The following EXT1 variants were observed in gnomAD, a reference collection of about 807,000 sequenced individuals.
The protein encoded by EXT1 is exostosin-1.
Under a neutral mutation model 82.5 loss-of-function variants are expected in EXT1, and 20 were observed. The ratio of observed to expected loss-of-function variants is 0.24; its 90% confidence interval spans 0.17 to 0.35. The LOEUF (loss-of-function observed/expected upper bound fraction) is 0.35. Ranked by LOEUF, EXT1 falls within the 10% of genes least tolerant of loss-of-function variation. EXT1 has a pLI of 1.00. For missense variants in EXT1, 757 were observed against 936.5 expected (o/e 0.81, Z 2.50); for synonymous variants, 348 against 350.8 (o/e 0.99, Z 0.09).
chr8:118,033,365 A>AT lies in EXT1; in HGVS notation c.962+76719dup, dbSNP rs1816367062. On this transcript the variant is annotated intron_variant, in intron 1 of 10. Coordinates refer to ENST00000378204, the MANE Select transcript of EXT1 (RefSeq NM_000127.3). ...TGTCCAGAACATTACTAAAATGTAC[A>AT]TACTGTGTTCAGATTTAAGCCAGAC... 2.0e-5 allele frequency among the ~76,000 whole-genome samples: 3 copies of AT among 152,354 alleles called. No individual in the cohort carries two copies. The South Asian group carries it at 6.2e-4, about 32-fold the overall frequency.
chr8:118,100,037 C>T (rs1055777660), intron 1 of EXT1, among the ~76,000 whole-genome samples: 2 of 152,114 alleles, frequency 1.3e-5, no homozygotes, highest in African/African-American at 4.8e-5. Context: ...ACCACCATAC[C>T]CAAGACGTGG....
chr8:117,799,535 T>A lies in EXT1; in HGVS notation c.*177A>T. 1 of 675,794 alleles carries A rather than the reference T, an allele frequency of 1.5e-6. No homozygotes were observed. The highest frequency in any genetic ancestry group is 2.5e-6 in the Non-Finnish European group (1 of 394,700). The allele number at this position is 675,794 out of a possible 1,614,324, so 41.9% of individuals were successfully genotyped here. ...GTGAGTTTGGAGCAGTCTGGTGCAG[T>A]CCCAGGAGCCAGGAGTTGAGTTCTC... On this transcript the variant is annotated 3_prime_UTR_variant, in exon 11 of 11. Transcript: ENST00000378204.
At chr8:117,804,193 T>C (rs1490602930) in intron 10 of EXT1, among the ~76,000 whole-genome samples, 1 of 152,184 alleles carries the variant, frequency 6.6e-6, no homozygotes, top group Non-Finnish European at 1.5e-5. Context: ...GATTAGGTCA[T>C]GAGGGTGGAG....
chr8:117,809,071 G>C (rs1823276747), intron 8 of EXT1, among the ~76,000 whole-genome samples: 1 of 151,750 alleles, frequency 6.6e-6, no homozygotes, highest in Non-Finnish European at 1.5e-5. Context: ...TCCTGGGTCT[G>C]TAGCCTGCAG....
chr8:117,896,531 T>C (rs1813340377), intron 1 of EXT1, among the ~76,000 whole-genome samples: 1 of 152,158 alleles, frequency 6.6e-6, no homozygotes, highest in Non-Finnish European at 1.5e-5. Context: ...CCATTAATCC[T>C]ACAGTTTTCA....
At chr8:117,807,967 C>T (rs1188436612) in intron 8 of EXT1, among the ~76,000 whole-genome samples, 1 of 152,004 alleles carries the variant, frequency 6.6e-6, no homozygotes, top group Non-Finnish European at 1.5e-5. Flanking sequence ...GTTTAAGAGA[C>T]ACTAGAAGAA....
chr8:117,856,118 T>A (rs911549560), intron 1 of EXT1, among the ~76,000 whole-genome samples: 4 of 152,228 alleles, frequency 2.6e-5, no homozygotes, highest in African/African-American at 9.6e-5. Flanking sequence ...GTTAAAAGTG[T>A]TACTCCAGTG....
In EXT1 at chr8:117,822,564, G is replaced by A. The variant is rs762790189; in HGVS notation, c.1318C>T (p.Arg440Cys). 6.8e-6 allele frequency: 11 copies of A among 1,613,048 alleles called. No homozygotes were observed. The East Asian group carries it at 8.9e-5, about 13-fold the overall frequency. The stretch of plus-strand genomic sequence containing the variant: ...TGTTTGTTCCATATTAAACTGTTAC[G>A]TGATATGTGCTTGAATATTCTGTCC... Reference protein sequence around the residue: ...IQDRIFKHISRNSLIWNKHPG... With the variant: ...IQDRIFKHISCNSLIWNKHPG... The change falls in exon 5 of 11, where the codon CGT (arginine) becomes TGT (cysteine). Residue 440 changes from arginine to cysteine, a missense_variant. This residue lies in a region of EXT1 where 207 missense variants were observed against 224.2 expected (regional missense o/e 0.92). Transcript: ENST00000378204.
Position 118,094,410 on chromosome 8 carries a change from T to C in EXT1, c.962+15675A>G, listed in dbSNP as rs536997100. On this transcript the variant is annotated intron_variant, in intron 1 of 10. Transcript: ENST00000378204. ...AATGTACAATATTGCACACTACAAT[T>C]ATAATGAGCTGTAAACAGGTCAAAT... 9.6e-4 allele frequency among the ~76,000 whole-genome samples: 146 copies of C among 152,328 alleles called. 2 individuals carry two copies. The highest frequency in any genetic ancestry group is 1.0e-3 in the Non-Finnish European group (68 of 68,030).
chr8:118,078,724 C>G (rs1193502026), intron 1 of EXT1, among the ~76,000 whole-genome samples: 1 of 151,946 alleles, frequency 6.6e-6, no homozygotes, highest in African/African-American at 2.4e-5. Flanking sequence ...TAAATTGCTC[C>G]TATTCATAAA....
At chr8:118,092,623 A>G (rs1436141446) in intron 1 of EXT1, among the ~76,000 whole-genome samples, 1 of 152,176 alleles carries the variant, frequency 6.6e-6, no homozygotes, top group Non-Finnish European at 1.5e-5. Context: ...GGACCCCTAA[A>G]ATTATACAGG....
chr8:117,814,080 A>G (rs990845310), intron 7 of EXT1, among the ~76,000 whole-genome samples: 2 of 150,072 alleles, frequency 1.3e-5, no homozygotes, highest in Non-Finnish European at 3.0e-5. Flanking sequence ...GGAGGAGAAG[A>G]AGGAGAAGGA....
At position 117,913,690 on chromosome 8, in the gene EXT1, T is replaced by C. The variant is rs17504281; in HGVS notation, c.963-76489A>G. The stretch of plus-strand genomic sequence containing the variant: ...TCAGCTTCTTACTCTGGGAGGGAAG[T>C]AGGAAGTGGTAAGGATAATTCCTTG... On this transcript the variant is annotated intron_variant, in intron 1 of 10. Transcript: ENST00000378204. Among the ~76,000 whole-genome samples, 998 of 152,228 alleles carry C rather than the reference T, an allele frequency of 6.6e-3. 11 individuals are homozygous for C. The highest frequency in any genetic ancestry group is 0.023 in the African/African-American group (962 of 41,530).
At chr8:117,898,608 G>A (rs901170837) in intron 1 of EXT1, among the ~76,000 whole-genome samples, 7 of 152,166 alleles carry the variant, frequency 4.6e-5, no homozygotes, top group African/African-American at 1.7e-4. Context: ...TTGGTAAAAT[G>A]TGTGAATGGC....
intron 1 of EXT1, among the ~76,000 whole-genome samples, chr8:118,003,265 G>A (rs1443411887): frequency 6.6e-6 from 1 of 151,966 alleles, no homozygotes; most frequent in Non-Finnish European, 1.5e-5. Flanking sequence ...GAGTGGGAGA[G>A]GGATGAGGAA....
chr8:117,953,905 A>G (rs2325821), intron 1 of EXT1, among the ~76,000 whole-genome samples: 112,127 of 151,696 alleles, frequency 0.74, 42,566 homozygotes, highest in African/African-American at 0.9. Flanking sequence ...GCAAGACTCC[A>G]CCTCAACAAC....
chr8:117,957,921 G>C (rs769968590), intron 1 of EXT1, among the ~76,000 whole-genome samples: 1 of 152,140 alleles, frequency 6.6e-6, no homozygotes, highest in Non-Finnish European at 1.5e-5. Flanking sequence ...ATACACTTGA[G>C]ATAAAGTTAT....
Position 118,022,989 on chromosome 8 carries a change from G to A in EXT1, c.962+87096C>T, listed in dbSNP as rs1446906288. 4.6e-5 allele frequency among the ~76,000 whole-genome samples: 7 copies of A among 152,140 alleles called. No individual in the cohort carries two copies. The East Asian group carries it at 1.2e-3, about 25-fold the overall frequency. ...AATGAAGGGTAGGAAAATAGGAACA[G>A]GTGGTTAGAGGATTCATATCTGTAG... On this transcript the variant is annotated intron_variant, in intron 1 of 10. Transcript: ENST00000378204.
intron 1 of EXT1, among the ~76,000 whole-genome samples, chr8:118,100,978 C>G (rs976696481): frequency 6.6e-6 from 1 of 152,104 alleles, no homozygotes; most frequent in Non-Finnish European, 1.5e-5. Flanking sequence ...TTCCTGAGGA[C>G]TTAAGTATCA....
Sources: allele counts gnomAD v4.1 joint callset (sites outside exome capture counted in the v4.1 genomes callset), GRCh38; gene constraint gnomAD v4.1.1; regional missense constraint gnomAD v4.1.1; transcripts MANE v1.5; gene names NCBI Gene and HGNC (gene_info 2026-07-23, HGNC 2026-07-21).